Variants in CNKSR2 observed in about 807,000 individuals in gnomAD.
CNKSR2 encodes CNK homolog protein 2.
Under a neutral mutation model 84.4 loss-of-function variants are expected in CNKSR2, and 14 were observed. The ratio of observed to expected loss-of-function variants is 0.17; its 90% CI spans 0.11 to 0.26. The LOEUF (loss-of-function observed/expected upper bound fraction) is 0.26. Among genes scored for constraint, CNKSR2 ranks in the 10% least tolerant of loss-of-function variants. CNKSR2 has a pLI of 1.00. For missense variants in CNKSR2, 485 were observed against 771.2 expected, an observed-to-expected ratio of 0.63 and a Z score of 4.40; for synonymous variants, 275 against 277.9, an observed-to-expected ratio of 0.99 and a Z score of 0.10.
At chrX:21,598,024 TATAC>T (rs1415822676) in intron 17 of CNKSR2, among the ~76,000 whole-genome samples, 217 of 107,967 alleles carry the variant, frequency 2.0e-3, no homozygotes, top group African/African-American at 6.7e-3. Context: ...TATATATATA[TATAC>T]ACACACACAC....
At position 21,507,452 on chromosome X, in the gene CNKSR2, G is replaced by A. The variant is rs149692185; in HGVS notation, c.810+5864G>A. ...TTTTGTCTGAGTTGCTGGAATTTTG[G>A]TAAAGTGATTTCTAAAGGTAACTTC... On this transcript the variant is annotated intron_variant, in intron 8 of 21. Coordinates refer to ENST00000379510, the MANE Select transcript of CNKSR2 (RefSeq NM_014927.5). 8.5e-3 allele frequency among the ~76,000 whole-genome samples: 942 copies of A among 111,143 alleles called. 6 individuals are homozygous for A. Among genetic ancestry groups the A allele is most frequent in the African/African-American group, 0.028 (847 of 30,650 alleles).
At chrX:21,499,643 T>C (rs2091538831) in intron 7 of CNKSR2, among the ~76,000 whole-genome samples, 1 of 111,097 alleles carries the variant, frequency 9.0e-6, no homozygotes, top group African/African-American at 3.3e-5. Context: ...TTCTTTTTTT[T>C]CTTAAAAATA....
intron 20 of CNKSR2, among the ~76,000 whole-genome samples, chrX:21,615,756 G>A (rs1323659626): frequency 9.0e-6 from 1 of 111,198 alleles, no homozygotes; most frequent in African/African-American, 3.3e-5. Context: ...AGTGAATTAG[G>A]CCTGGCAAAC....
At chrX:21,526,844 AT>A (rs1569222763) in intron 9 of CNKSR2, 22 bp from the exon 10 acceptor site, 1 of 1,175,669 alleles carries the variant, frequency 8.5e-7, no homozygotes, top group East Asian at 3.0e-5. Flanking sequence ...GTGCGTATGT[AT>A]TTTCTTTTTC....
In CNKSR2 at chrX:21,563,852, T is replaced by C. The variant is rs753379035; in HGVS notation, c.1608+400T>C. Among the ~76,000 whole-genome samples, 3 of 111,098 alleles carry C rather than the reference T, an allele frequency of 2.7e-5. No homozygotes were observed. In the South Asian group the frequency reaches 1.1e-3, roughly 42 times the overall value. ...ATTTTCTAGACATGGAGAGTAGGGC[T>C]AGAGGTAAAATGGGAAGACGTGAGA... On this transcript the variant is annotated intron_variant, in intron 13 of 21. Coordinates refer to ENST00000379510, the MANE Select transcript of CNKSR2 (RefSeq NM_014927.5).
chrX:21,642,332 A>C, intron 20 of CNKSR2: 1 of 750,660 alleles, frequency 1.3e-6, no homozygotes, highest in African/African-American at 2.3e-5. Flanking sequence ...CTTGTATACA[A>C]GTGGTGTTGC....
At chrX:21,601,385 CT>C (rs1044657265) in intron 18 of CNKSR2, 36 bp downstream of exon 18, 6 of 848,713 alleles carry the variant, frequency 7.1e-6, no homozygotes, top group South Asian at 2.5e-5. Flanking sequence ...TTATGTTATA[CT>C]TTTTTTCCTG....
chrX:21,411,057 A>G (rs2090338923), intron 1 of CNKSR2, among the ~76,000 whole-genome samples: 1 of 111,380 alleles, frequency 9.0e-6, no homozygotes. Context: ...AGATTATTTC[A>G]GTCATATTTA....
rs189115445 is a variant in CNKSR2, at chrX:21,637,042, A to G, written c.2693-11789A>G. The stretch of plus-strand genomic sequence containing the variant: ...CTTCTGTAACTATTAAATGTGAAAG[A>G]TGTCTTCAGTTGTTTCGTAAAAACT... On this transcript the variant is annotated intron_variant, in intron 20 of 21. Coordinates refer to ENST00000379510, the MANE Select transcript of CNKSR2 (RefSeq NM_014927.5). Among the ~76,000 whole-genome samples, 15 of 111,801 alleles carry G rather than the reference A, an allele frequency of 1.3e-4. No homozygotes were observed. The East Asian group carries it at 4.2e-3, about 31-fold the overall frequency.
intron 11 of CNKSR2, among the ~76,000 whole-genome samples, chrX:21,541,936 C>A (rs748637256): frequency 2.7e-5 from 3 of 111,452 alleles, no homozygotes; most frequent in East Asian, 5.6e-4. Flanking sequence ...TAAATAATTT[C>A]CAAAAATTAC....
intron 8 of CNKSR2, chrX:21,503,199 C>A (rs2091577101): frequency 1.0e-5 from 3 of 290,522 alleles, no homozygotes; most frequent in Admixed American, 1.2e-4. Flanking sequence ...GGATTGGTGA[C>A]ATTTAAATAC....
At chrX:21,498,743 C>T (rs1190395606) in intron 7 of CNKSR2, among the ~76,000 whole-genome samples, 1 of 111,817 alleles carries the variant, frequency 8.9e-6, no homozygotes, top group African/African-American at 3.2e-5. Context: ...CATAATACAT[C>T]ATCATTCTTG....
At chrX:21,619,635 G>A (rs952144734) in intron 20 of CNKSR2, among the ~76,000 whole-genome samples, 1 of 108,891 alleles carries the variant, frequency 9.2e-6, no homozygotes, top group African/African-American at 3.3e-5. Flanking sequence ...TTTAATTTTT[G>A]TTGTTGTGGC....
intron 8 of CNKSR2, among the ~76,000 whole-genome samples, chrX:21,502,651 AT>A (rs2091571170): frequency 9.0e-6 from 1 of 111,562 alleles, no homozygotes; most frequent in Non-Finnish European, 1.9e-5. Flanking sequence ...AGTCTGTGAT[AT>A]TTTGGAAAGG....
chrX:21,630,119 T>C (rs1170935306), intron 20 of CNKSR2, among the ~76,000 whole-genome samples: 1 of 112,090 alleles, frequency 8.9e-6, no homozygotes, highest in Non-Finnish European at 1.9e-5. Flanking sequence ...GATACCTCTC[T>C]GTTAAAGTCA....
chrX:21,444,880 A>G (rs2090831652), intron 4 of CNKSR2, among the ~76,000 whole-genome samples: 2 of 111,710 alleles, frequency 1.8e-5, no homozygotes, highest in Admixed American at 1.9e-4. Context: ...CAAATGTAAT[A>G]CAGAAATTAA....
intron 1 of CNKSR2, among the ~76,000 whole-genome samples, chrX:21,417,296 G>GT (rs1291142974): frequency 7.2e-5 from 8 of 111,862 alleles, no homozygotes; most frequent in Non-Finnish European, 1.5e-4. Context: ...GAGGATTTTA[G>GT]TTTTTTTGAA....
At chrX:21,517,788 A>G (rs1481942616) in intron 9 of CNKSR2, among the ~76,000 whole-genome samples, 1 of 111,823 alleles carries the variant, frequency 8.9e-6, no homozygotes, top group African/African-American at 3.2e-5. Flanking sequence ...GGAAAGCAGT[A>G]TATGAAATGC....
At chrX:21,568,957 G>C (rs1194714113) in intron 13 of CNKSR2, among the ~76,000 whole-genome samples, 1 of 111,651 alleles carries the variant, frequency 9.0e-6, no homozygotes, top group Non-Finnish European at 1.9e-5. Flanking sequence ...AAGTGCAGTG[G>C]TATATACAAA....
Sources: allele counts gnomAD v4.1 joint callset (sites outside exome capture counted in the v4.1 genomes callset), GRCh38; gene constraint gnomAD v4.1.1; transcripts MANE v1.5; gene names NCBI Gene and HGNC (gene_info 2026-07-23, HGNC 2026-07-21).